DAB1: variants seen among roughly 807,000 people sequenced by gnomAD.
The protein encoded by DAB1 is DAB adaptor protein 1, also known as disabled homolog 1.
Under a neutral mutation model 64.6 loss-of-function variants are expected in DAB1, and 15 were observed. The observed-to-expected ratio is 0.23, with a 90% CI of 0.16 to 0.36. The LOEUF (loss-of-function observed/expected upper bound fraction) is 0.36, where lower values mean the gene tolerates loss of function less well. DAB1 is among the 10% of genes least tolerant of loss of function. The pLI, the probability that DAB1 is intolerant of heterozygous loss-of-function variation, is 1.00. For synonymous variants in DAB1, 235 were observed against 251.9 expected (o/e 0.93, Z 0.64); for missense variants, 596 against 706.7 (o/e 0.84, Z 1.78).
At chr1:57,405,980 G>A (rs1420864723) in intron 1 of DAB1, among the ~76,000 whole-genome samples, 2 of 152,170 alleles carry the variant, frequency 1.3e-5, no homozygotes, top group Non-Finnish European at 2.9e-5. Flanking sequence ...GGTTCTCTGT[G>A]AAGTTGCTGG....
intron 3 of DAB1, among the ~76,000 whole-genome samples, chr1:58,407,209 T>TG (rs1284264009): frequency 4.6e-5 from 7 of 152,138 alleles, no homozygotes; most frequent in African/African-American, 1.4e-4. Flanking sequence ...CTTCCGTCTT[T>TG]GTCAGATTTC....
At chr1:57,545,600 A>C (rs1462027501) in intron 7 of DAB1, among the ~76,000 whole-genome samples, 1 of 152,220 alleles carries the variant, frequency 6.6e-6, no homozygotes, top group Admixed American at 6.5e-5. Flanking sequence ...ACTATCATGT[A>C]TGATACCCAC....
At chr1:58,425,477 G>A (rs962431620) in intron 3 of DAB1, among the ~76,000 whole-genome samples, 6 of 152,198 alleles carry the variant, frequency 3.9e-5, no homozygotes, top group Non-Finnish European at 7.4e-5. Context: ...TATGGGGTCT[G>A]AATTTCAGAA....
intron 4 of DAB1, among the ~76,000 whole-genome samples, chr1:58,238,376 T>C (rs116019114): frequency 0.051 from 7,735 of 152,164 alleles, 648 homozygotes; most frequent in African/African-American, 0.18. Flanking sequence ...TTGCTCATGA[T>C]TGGGGGAGAA....
At chr1:58,543,203 C>T (rs1646648994) in intron 1 of DAB1, among the ~76,000 whole-genome samples, 1 of 152,150 alleles carries the variant, frequency 6.6e-6, no homozygotes, top group South Asian at 2.1e-4. Flanking sequence ...CTGTATTCTG[C>T]AAATAAATGA....
At chr1:57,173,209 T>G (rs1042081981) in intron 2 of DAB1, among the ~76,000 whole-genome samples, 1 of 152,066 alleles carries the variant, frequency 6.6e-6, no homozygotes, top group Non-Finnish European at 1.5e-5. Context: ...AGCTTCCAGT[T>G]CAAGAGATTC....
At chr1:57,161,623 T>C (rs777515578) in intron 2 of DAB1, among the ~76,000 whole-genome samples, 21 of 152,222 alleles carry the variant, frequency 1.4e-4, no homozygotes, top group Non-Finnish European at 2.4e-4. Flanking sequence ...AACAAATGTA[T>C]TTTTAAAATT....
chr1:57,453,046 G>T (rs995559825), intron 7 of DAB1, among the ~76,000 whole-genome samples: 1 of 152,006 alleles, frequency 6.6e-6, no homozygotes, highest in Non-Finnish European at 1.5e-5. Context: ...TATTGTAGAA[G>T]TAAACTGGTA....
At chr1:58,530,786 T>TA in intron 1 of DAB1, 3 of 820,092 alleles carry the variant, frequency 3.7e-6, no homozygotes, top group Non-Finnish European at 6.4e-6. Context: ...AGTATATGCT[T>TA]ACATTTTCTA....
chr1:57,949,459 TTATCTATCTATCTATCTATCTATCTATC>T (rs71051263), intron 5 of DAB1, among the ~76,000 whole-genome samples: 2 of 146,260 alleles, frequency 1.4e-5, no homozygotes, highest in African/African-American at 5.1e-5. Flanking sequence ...AAGCAATTCT[TTATCTATCTATCTATCTATCTATCTATC>T]TATCTATCTA....
At chr1:58,287,522 C>T (rs148392177) in intron 4 of DAB1, among the ~76,000 whole-genome samples, 9 of 152,066 alleles carry the variant, frequency 5.9e-5, no homozygotes, top group African/African-American at 2.2e-4. Context: ...GCAGTTGATA[C>T]TGGCTGCTGC....
chr1:57,844,929 C>T (rs553546198), intron 1 of DAB1, among the ~76,000 whole-genome samples: 65 of 152,174 alleles, frequency 4.3e-4, no homozygotes, highest in Non-Finnish European at 3.1e-4. Flanking sequence ...AATAGCTTCC[C>T]ACTATTGACA....
chr1:57,937,712 A>T (rs1557565778), intron 5 of DAB1, among the ~76,000 whole-genome samples: 1 of 152,232 alleles, frequency 6.6e-6, no homozygotes, highest in Non-Finnish European at 1.5e-5. Flanking sequence ...TTGTTGCTGG[A>T]CTTGCAACAG....
chr1:58,204,374 C>T (rs1658149186), intron 4 of DAB1, among the ~76,000 whole-genome samples: 1 of 152,150 alleles, frequency 6.6e-6, no homozygotes, highest in Non-Finnish European at 1.5e-5. Context: ...ATCTATGCCC[C>T]CTGCATCAAA....
At chr1:58,277,313 T>C (rs922976752) in intron 4 of DAB1, among the ~76,000 whole-genome samples, 1 of 152,156 alleles carries the variant, frequency 6.6e-6, no homozygotes, top group African/African-American at 2.4e-5. Flanking sequence ...GTGCTGGGAT[T>C]ACAGGCGTGA....
intron 5 of DAB1, among the ~76,000 whole-genome samples, chr1:57,973,891 C>T (rs920836154): frequency 6.6e-6 from 1 of 152,148 alleles, no homozygotes; most frequent in African/African-American, 2.4e-5. Flanking sequence ...TTTCAAAATC[C>T]TTAATGGGAT....
chr1:57,941,079 T>G (rs1645097303), intron 5 of DAB1, among the ~76,000 whole-genome samples: 1 of 152,172 alleles, frequency 6.6e-6, no homozygotes, highest in South Asian at 2.1e-4. Flanking sequence ...TCTGGAGAAA[T>G]CTCCTCCTTT....
At chr1:57,758,219 T>C (rs56191066) in intron 6 of DAB1, among the ~76,000 whole-genome samples, 1,949 of 152,296 alleles carry the variant, frequency 0.013, 41 homozygotes, top group African/African-American at 0.044. Flanking sequence ...TTTTAATACA[T>C]CTCATTTAAC....
At chr1:58,285,397 G>A (rs945863646) in intron 4 of DAB1, among the ~76,000 whole-genome samples, 2 of 152,146 alleles carry the variant, frequency 1.3e-5, no homozygotes, top group African/African-American at 2.4e-5. Flanking sequence ...AAATATCCCT[G>A]TATTTAACAT....
Sources: gnomAD v4.1 joint callset for allele counts (sites outside exome capture counted in the v4.1 genomes callset) on GRCh38, gnomAD v4.1.1 for gene constraint, MANE v1.5 for transcripts, NCBI Gene and HGNC (gene_info 2026-07-23, HGNC 2026-07-21) for gene names.